FBXW8: variants seen among roughly 807,000 people sequenced by gnomAD.
FBXW8 encodes the protein F-box/WD repeat-containing protein 8.
A neutral mutation model predicts 65.3 loss-of-function variants in FBXW8; 57 were observed. That is an observed-to-expected ratio of 0.87 (90% CI 0.71 to 1.09). The LOEUF (loss-of-function observed/expected upper bound fraction) is 1.09. Ranked by LOEUF, FBXW8 falls within the 50% of genes least tolerant of loss-of-function variation. FBXW8 has a pLI of 0.00. For missense variants in FBXW8, 777 were observed against 814.8 expected (o/e 0.95, Z 0.57); for synonymous variants, 308 against 330.2 (o/e 0.93, Z 0.73).
intron 1 of FBXW8, among the ~76,000 whole-genome samples, chr12:116,917,290 A>C (rs187830307): frequency 2.0e-5 from 3 of 152,332 alleles, no homozygotes; most frequent in African/African-American, 7.2e-5. Context: ...TGCCTTGGGT[A>C]ACCATTTTAT....
In FBXW8 at chr12:117,030,888, GC is replaced by G. The variant is rs1297651292; in HGVS notation, c.*2721del. 1.3e-5 allele frequency: 2 copies of G among 152,188 alleles called. No individual in the cohort carries two copies. Among genetic ancestry groups the G allele is most frequent in the Non-Finnish European group, 2.9e-5 (2 of 68,036 alleles). 9.4% of individuals were successfully genotyped at this position (152,188 alleles called of 1,614,324 possible). ...ATAAGCCAACATGTATCCAAATTAA[GC>G]CCCCTTACCTTTATCCAGACCCTTT... On this transcript the variant is annotated 3_prime_UTR_variant, in exon 11 of 11. Transcript: ENST00000652555.
At position 116,949,677 on chromosome 12, in the gene FBXW8, G is replaced by T; in HGVS notation, c.648G>T (p.Val216=). Residue 216 remains valine (V), a synonymous_variant, in exon 4 of 11, where the codon GTG becomes GTT. Transcript: ENST00000652555. ...EHVPDTVLCD[V]HSHDGVVIAG... ...TTCCTGACACAGTTTTGTGTGATGT[G>T]CATTCTCACGATGGTGTGGTCATTG... is the stretch of plus-strand genomic sequence containing the variant. The T allele has an allele frequency of 6.2e-7, 1 of 1,614,186 alleles. No individual in the cohort carries two copies. Among genetic ancestry groups the T allele is most frequent in the Non-Finnish European group, 8.5e-7 (1 of 1,180,022 alleles).
chr12:116,946,307 T>A (rs1882928564), intron 3 of FBXW8, among the ~76,000 whole-genome samples: 2 of 152,170 alleles, frequency 1.3e-5, no homozygotes, highest in Non-Finnish European at 2.9e-5. Flanking sequence ...CCTACTCACC[T>A]CCTAACCTGA....
intron 7 of FBXW8, among the ~76,000 whole-genome samples, chr12:117,008,088 C>G (rs1253369263): frequency 6.6e-6 from 1 of 152,118 alleles, no homozygotes; most frequent in African/African-American, 2.4e-5. Context: ...CACTATATCA[C>G]TAAGAAATAA....
chr12:116,911,365 C>A lies in FBXW8; in HGVS notation c.318+10C>A. Reference sequence around the variant, plus strand: ...GCTCATCCGCGACCTGGTGAGTGGCCGTCGCCTCCCCCCCGCCCATGCCTG... The same window carrying A: ...GCTCATCCGCGACCTGGTGAGTGGCAGTCGCCTCCCCCCCGCCCATGCCTG... On this transcript the variant is annotated intron_variant, in intron 1 of 10. Coordinates refer to ENST00000652555, the MANE Select transcript of FBXW8 (RefSeq NM_153348.3). The A allele has an allele frequency of 1.6e-6, 2 of 1,271,408 alleles. No homozygotes were observed. Among genetic ancestry groups the A allele is most frequent in the East Asian group, 3.1e-5 (1 of 31,962 alleles). 78.8% of individuals were successfully genotyped at this position (1,271,408 alleles called of 1,614,324 possible).
At chr12:117,013,948 T>C (rs979758375) in intron 8 of FBXW8, among the ~76,000 whole-genome samples, 11 of 152,148 alleles carry the variant, frequency 7.2e-5, no homozygotes, top group Non-Finnish European at 1.6e-4. Flanking sequence ...ATTAAGCGTT[T>C]AGAATCTGTA....
intron 5 of FBXW8, among the ~76,000 whole-genome samples, chr12:116,979,924 G>A (rs1885193363): frequency 1.3e-5 from 2 of 152,134 alleles, no homozygotes; most frequent in African/African-American, 2.4e-5. Context: ...TGGGCAGGGG[G>A]TTGTCTCCTT....
At chr12:117,004,450 C>A (rs1026843536) in intron 7 of FBXW8, among the ~76,000 whole-genome samples, 1 of 152,118 alleles carries the variant, frequency 6.6e-6, no homozygotes, top group Non-Finnish European at 1.5e-5. Flanking sequence ...CTTAAAGGGG[C>A]CTGAGTTGAA....
At chr12:117,024,377 C>G (rs1225611833) in intron 9 of FBXW8, 57 bp downstream of exon 9, 1 of 1,594,560 alleles carries the variant, frequency 6.3e-7, no homozygotes, top group African/African-American at 1.3e-5. Flanking sequence ...GAAGGCAGCA[C>G]TAATCAGCCT....
chr12:116,933,912 G>A (rs1464885852), intron 2 of FBXW8, among the ~76,000 whole-genome samples: 2 of 152,026 alleles, frequency 1.3e-5, no homozygotes, highest in Admixed American at 6.6e-5. Context: ...TATTTTAGAG[G>A]GGCTTGCTTT....
intron 8 of FBXW8, among the ~76,000 whole-genome samples, chr12:117,020,337 ATTATACTC>A (rs1211014142): frequency 6.6e-6 from 1 of 152,098 alleles, no homozygotes; most frequent in Non-Finnish European, 1.5e-5. Flanking sequence ...CATTTTTTAA[ATTATACTC>A]TTAGATATGT....
chr12:116,988,049 G>C (rs750434143), intron 6 of FBXW8, among the ~76,000 whole-genome samples: 69 of 152,192 alleles, frequency 4.5e-4, no homozygotes, highest in Admixed American at 7.9e-4. Flanking sequence ...CTCTAGGACT[G>C]CATGGTATTC....
chr12:116,923,729 T>A (rs181316775), intron 1 of FBXW8, among the ~76,000 whole-genome samples: 1,620 of 150,870 alleles, frequency 0.011, 14 homozygotes, highest in South Asian at 0.021. Flanking sequence ...TTTATTTATT[T>A]ATTTATTTTG....
At chr12:116,954,058 G>A (rs574211171) in intron 4 of FBXW8, among the ~76,000 whole-genome samples, 1 of 147,390 alleles carries the variant, frequency 6.8e-6, no homozygotes, top group South Asian at 2.2e-4. Flanking sequence ...AGGTTGCAGT[G>A]AGCTGAGATC....
At chr12:116,971,307 G>A (rs1321505981) in intron 5 of FBXW8, among the ~76,000 whole-genome samples, 2 of 151,760 alleles carry the variant, frequency 1.3e-5, no homozygotes, top group East Asian at 3.9e-4. Context: ...AGTGAGCTGT[G>A]CGTGATTGCT....
intron 5 of FBXW8, among the ~76,000 whole-genome samples, chr12:116,981,727 C>T (rs1200257221): frequency 1.3e-5 from 2 of 151,992 alleles, no homozygotes; most frequent in Non-Finnish European, 2.9e-5. Context: ...AATTCTCATG[C>T]GTCAGCCTCC....
At chr12:116,954,921 T>C (rs1883539165) in intron 4 of FBXW8, among the ~76,000 whole-genome samples, 1 of 151,894 alleles carries the variant, frequency 6.6e-6, no homozygotes, top group Non-Finnish European at 1.5e-5. Context: ...CCCACTGTGC[T>C]GCACTCTCAG....
intron 1 of FBXW8, among the ~76,000 whole-genome samples, chr12:116,918,918 G>A (rs1414366520): frequency 1.3e-5 from 2 of 152,104 alleles, no homozygotes; most frequent in East Asian, 1.9e-4. Context: ...CAAGACCCCC[G>A]GTGGGTGCTT....
intron 8 of FBXW8, among the ~76,000 whole-genome samples, chr12:117,023,249 G>A (rs1400251546): frequency 2.0e-5 from 3 of 152,174 alleles, no homozygotes; most frequent in Non-Finnish European, 4.4e-5. Context: ...GGTCAGACGT[G>A]CGTTTTTAAT....
Sources: allele counts gnomAD v4.1 joint callset (sites outside exome capture counted in the v4.1 genomes callset), GRCh38; gene constraint gnomAD v4.1.1; transcripts MANE v1.5; gene names NCBI Gene and HGNC (gene_info 2026-07-23, HGNC 2026-07-21).